Variants in CNTNAP3B observed in about 807,000 individuals in gnomAD.
CNTNAP3B encodes contactin associated protein family member 3B, also known as contactin-associated protein-like 3B.
CNTNAP3B carries 25 observed loss-of-function variants against 108.9 expected under a neutral mutation model. The ratio of observed to expected loss-of-function variants is 0.23; its 90% CI spans 0.17 to 0.32. CNTNAP3B has a LOEUF of 0.32. CNTNAP3B is among the 10% of genes least tolerant of loss of function. CNTNAP3B has a pLI of 1.00. For synonymous variants in CNTNAP3B, 103 were observed against 473.4 expected, an observed-to-expected ratio of 0.22 and a Z score of 10.16; for missense variants, 252 against 1,210.4, an observed-to-expected ratio of 0.21 and a Z score of 11.75.
chr9:42,122,282 A>G (rs1828479588), intron 1 of CNTNAP3B, among the ~76,000 whole-genome samples: 2 of 139,830 alleles, frequency 1.4e-5, no homozygotes. Flanking sequence ...ATAATTTTAA[A>G]AGACCATTTG....
intron 12 of CNTNAP3B, among the ~76,000 whole-genome samples, chr9:41,958,432 G>A (rs1192194090): frequency 6.6e-6 from 1 of 152,094 alleles, no homozygotes; most frequent in African/African-American, 2.4e-5. Flanking sequence ...AGGTCCAGCT[G>A]AAATTTTTTC....
At chr9:42,103,353 G>T (rs1317842339) in intron 2 of CNTNAP3B, among the ~76,000 whole-genome samples, 6 of 146,674 alleles carry the variant, frequency 4.1e-5, no homozygotes, top group African/African-American at 1.6e-4. Context: ...ATATTTATTT[G>T]GTCCAATGTG....
chr9:41,934,073 T>G (rs1224177976), intron 14 of CNTNAP3B, among the ~76,000 whole-genome samples: 1 of 145,118 alleles, frequency 6.9e-6, no homozygotes, highest in African/African-American at 2.5e-5. Flanking sequence ...CTGTTTTGGG[T>G]GTCAATTTGC....
At chr9:42,086,289 A>C (rs1407878302) in intron 2 of CNTNAP3B, among the ~76,000 whole-genome samples, 26 of 138,786 alleles carry the variant, frequency 1.9e-4, no homozygotes, top group Non-Finnish European at 3.4e-4. Context: ...CTCCCACAAC[A>C]CCTAGGAATT....
chr9:42,125,873 C>G (rs977965186), intron 1 of CNTNAP3B, among the ~76,000 whole-genome samples: 2 of 127,580 alleles, frequency 1.6e-5, no homozygotes, highest in African/African-American at 6.4e-5. Flanking sequence ...CCGCCTCAGC[C>G]TCCCAAAGTG....
intron 3 of CNTNAP3B, among the ~76,000 whole-genome samples, chr9:42,070,501 T>G (rs1202130570): frequency 7.0e-6 from 1 of 143,118 alleles, no homozygotes; most frequent in African/African-American, 2.7e-5. Flanking sequence ...TCTGACTCAC[T>G]GTGTCGCTGC....
chr9:41,963,838 A>G (rs1337708084), intron 11 of CNTNAP3B, among the ~76,000 whole-genome samples: 1 of 152,312 alleles, frequency 6.6e-6, no homozygotes, highest in African/African-American at 2.4e-5. Flanking sequence ...CAACTCTGCA[A>G]TGAAGATAAT....
In CNTNAP3B at chr9:42,110,362, C is replaced by T. The variant is rs1362278191; in HGVS notation, c.86-5623G>A. On this transcript the variant is annotated intron_variant, in intron 1 of 23. Coordinates refer to ENST00000377561, the MANE Select transcript of CNTNAP3B (RefSeq NM_001201380.3). ...CTGTGAAAGGAGCTAAGCACTGTGT[C>T]GGCGGAACCTAAGGATGGAAGGAGA... is the stretch of plus-strand genomic sequence containing the variant. Among the ~76,000 whole-genome samples, 2 of 136,686 alleles carry T rather than the reference C, an allele frequency of 1.5e-5. 1 individual carries two copies. Among genetic ancestry groups the T allele is most frequent in the Non-Finnish European group, 3.1e-5 (2 of 64,434 alleles). 89.7% of individuals were successfully genotyped at this position (136,686 alleles called of 152,430 possible).
At chr9:41,919,190 A>G (rs1272584525) in intron 18 of CNTNAP3B, among the ~76,000 whole-genome samples, 2 of 151,744 alleles carry the variant, frequency 1.3e-5, no homozygotes, top group Non-Finnish European at 1.5e-5. Context: ...GAGTGAGTGC[A>G]GTGGTGCGAT....
intron 3 of CNTNAP3B, among the ~76,000 whole-genome samples, chr9:42,053,590 C>G (rs1182202700): frequency 7.2e-6 from 1 of 139,808 alleles, no homozygotes; most frequent in Non-Finnish European, 1.5e-5. Context: ...GACCAGTTGG[C>G]AAACACATGG....
chr9:42,109,385 CAT>C (rs1473273331), intron 1 of CNTNAP3B, among the ~76,000 whole-genome samples: 1 of 147,320 alleles, frequency 6.8e-6, no homozygotes. Context: ...AAAAGATAAA[CAT>C]AAACCATGCA....
intron 2 of CNTNAP3B, among the ~76,000 whole-genome samples, chr9:42,077,441 G>A (rs62553563): frequency 7.4e-6 from 1 of 135,720 alleles, no homozygotes; most frequent in East Asian, 2.3e-4. Flanking sequence ...ACTGATAAAA[G>A]AAAGACAGTT....
chr9:41,944,416 T>C (rs1244700663), intron 13 of CNTNAP3B, among the ~76,000 whole-genome samples: 2 of 151,772 alleles, frequency 1.3e-5, no homozygotes, highest in East Asian at 3.8e-4. Context: ...GACAGAAGGA[T>C]TGGAAATGCT....
At chr9:42,019,591 C>CAA (rs569640352) in intron 3 of CNTNAP3B, among the ~76,000 whole-genome samples, 107 of 100,680 alleles carry the variant, frequency 1.1e-3, no homozygotes, top group African/African-American at 4.2e-3. Context: ...ATCTCTACTT[C>CAA]AAAAAAAAAA....
intron 15 of CNTNAP3B, among the ~76,000 whole-genome samples, chr9:41,925,785 C>T (rs1166675545): frequency 5.3e-5 from 8 of 152,222 alleles, no homozygotes; most frequent in Admixed American, 5.2e-4. Flanking sequence ...ACACCCATGC[C>T]TTTTTCAGCT....
At chr9:42,010,333 GT>G (rs769314585) in intron 4 of CNTNAP3B, among the ~76,000 whole-genome samples, 270 of 148,692 alleles carry the variant, frequency 1.8e-3, no homozygotes, top group Middle Eastern at 6.8e-3. Context: ...GGGACACCAA[GT>G]TTAGATTAAG....
At chr9:42,113,744 A>C (rs1828250150) in intron 1 of CNTNAP3B, among the ~76,000 whole-genome samples, 1 of 139,500 alleles carries the variant, frequency 7.2e-6, no homozygotes, top group Admixed American at 7.1e-5. Context: ...ACAAGAGGTG[A>C]CTATAGTCAA....
intron 3 of CNTNAP3B, among the ~76,000 whole-genome samples, chr9:42,041,901 C>G (rs1587224020): frequency 6.9e-6 from 1 of 144,650 alleles, no homozygotes; most frequent in Non-Finnish European, 1.5e-5. Context: ...GAATACAATG[C>G]AGCCATAAAA....
Position 42,122,754 on chromosome 9 carries a change from G to A in CNTNAP3B, c.85+6256C>T, listed in dbSNP as rs1024414564. Among the ~76,000 whole-genome samples the A allele has an allele frequency of 1.5e-5, 2 of 135,556 alleles. 1 individual carries two copies. The highest frequency in any genetic ancestry group is 3.1e-5 in the Non-Finnish European group (2 of 63,654). The allele number at this position is 135,556 out of a possible 152,430, so 88.9% of individuals were successfully genotyped here. Reference sequence around the variant, plus strand: ...AACCCAACTGGGAGACACCTTAAAAGGTTATCTGCCACAACAGAAGCTTTG... The same window carrying A: ...AACCCAACTGGGAGACACCTTAAAAAGTTATCTGCCACAACAGAAGCTTTG... On this transcript the variant is annotated intron_variant, in intron 1 of 23. Transcript: ENST00000377561.
Sources: gnomAD v4.1 joint callset for allele counts (sites outside exome capture counted in the v4.1 genomes callset) on GRCh38, gnomAD v4.1.1 for gene constraint, MANE v1.5 for transcripts, NCBI Gene and HGNC (gene_info 2026-07-23, HGNC 2026-07-21) for gene names.